CFAP20DC: variants seen among roughly 807,000 people sequenced by gnomAD.
CFAP20DC encodes CFAP20 domain containing.
Under a neutral mutation model 101.7 loss-of-function variants are expected in CFAP20DC, and 84 were observed. That is an observed-to-expected ratio of 0.83 (90% CI 0.69 to 0.99). The LOEUF (loss-of-function observed/expected upper bound fraction) is 0.99. Among genes scored for constraint, CFAP20DC ranks in the 50% least tolerant of loss-of-function variants. CFAP20DC has a pLI of 0.00. For synonymous variants in CFAP20DC, 359 were observed against 351.2 expected (o/e 1.02, Z -0.25); for missense variants, 1,007 against 970.3 (o/e 1.04, Z -0.50).
chr3:58,891,654 ATTTG>A (rs2082273898), intron 6 of CFAP20DC, among the ~76,000 whole-genome samples: 1 of 151,050 alleles, frequency 6.6e-6, no homozygotes, highest in African/African-American at 2.4e-5. Context: ...TAATGGGGTT[ATTTG>A]TTTTTTTTTC....
intron 16 of CFAP20DC, among the ~76,000 whole-genome samples, chr3:58,748,248 A>G (rs2068336629): frequency 6.6e-6 from 1 of 152,206 alleles, no homozygotes; most frequent in Admixed American, 6.6e-5. Flanking sequence ...AAGCCAACAG[A>G]GCCCATAATC....
intron 14 of CFAP20DC, among the ~76,000 whole-genome samples, chr3:58,829,884 A>G (rs2076282221): frequency 6.6e-6 from 1 of 152,190 alleles, no homozygotes; most frequent in Admixed American, 6.5e-5. Flanking sequence ...TGACAGAATC[A>G]GCTCGATCAG....
chr3:58,768,577 G>A (rs1382349014), intron 15 of CFAP20DC, among the ~76,000 whole-genome samples: 3 of 152,090 alleles, frequency 2.0e-5, no homozygotes, highest in East Asian at 3.9e-4. Flanking sequence ...TTCTAGCACC[G>A]CTCCCATGCT....
chr3:58,969,464 C>A (rs1382944539), intron 4 of CFAP20DC, among the ~76,000 whole-genome samples: 2 of 152,136 alleles, frequency 1.3e-5, no homozygotes, highest in African/African-American at 4.8e-5. Flanking sequence ...CAATTTCACT[C>A]GTAGGTGAGC....
intron 4 of CFAP20DC, among the ~76,000 whole-genome samples, chr3:59,029,156 T>C (rs767825263): frequency 1.3e-5 from 2 of 152,186 alleles, no homozygotes; most frequent in African/African-American, 4.8e-5. Flanking sequence ...CATTCATTAG[T>C]CCACCCATCC....
intron 6 of CFAP20DC, among the ~76,000 whole-genome samples, chr3:58,885,955 T>C (rs2081592110): frequency 6.6e-6 from 1 of 152,216 alleles, no homozygotes; most frequent in Non-Finnish European, 1.5e-5. Flanking sequence ...TTCTTTTTAG[T>C]AAATTTTCTG....
Position 58,717,537 on chromosome 3 carries a change from C to T in CFAP20DC, c.*51G>A. On this transcript the variant is annotated 3_prime_UTR_variant, in exon 4 of 4. Coordinates refer to the CFAP20DC transcript ENST00000486145. This position sits in a 1 kb window ranked among gnomAD's most constrained non-coding sequence, Gnocchi z 4.1. ...TAGATGCTCAAGGAAGAAGTGAGGA[C>T]CCACACTTCCAGGTTCTTGTCCTGA... 2.3e-6 allele frequency: 1 copy of T among 430,000 alleles called. No homozygotes were observed. The highest frequency in any genetic ancestry group is 7.1e-5 in the East Asian group (1 of 14,056). 26.6% of individuals were successfully genotyped at this position (430,000 alleles called of 1,614,324 possible). A position where few individuals can be genotyped will look rare whatever the true frequency, so the allele number is the denominator to read the frequency against.
intron 13 of CFAP20DC, among the ~76,000 whole-genome samples, chr3:58,842,869 A>C (rs1006935027): frequency 6.6e-6 from 1 of 152,220 alleles, no homozygotes; most frequent in Non-Finnish European, 1.5e-5. Flanking sequence ...ACCCCCGAGC[A>C]GCCTAACTGG....
At position 58,913,828 on chromosome 3, in the gene CFAP20DC, T is replaced by G. The variant is rs1430690764; in HGVS notation, c.430A>C (p.Ser144Arg). ...NLCIDLVAFT[S>R]EIFKGAVFQS... Reference sequence around the variant, plus strand: ...AAAACTGCCCCCTTGAATATTTCACTGGTGAATGCTACTAAGTCAATGCAT... The same window carrying G: ...AAAACTGCCCCCTTGAATATTTCACGGGTGAATGCTACTAAGTCAATGCAT... The change falls in exon 6 of 17, where the codon AGT becomes CGT. Residue 144 changes from serine to arginine, a missense_variant. Physicochemically the swap from Ser to Arg is moderately radical, Grantham distance 110. Transcript: ENST00000482387. The surrounding 1 kb of genome is among the most constrained non-coding windows in gnomAD (Gnocchi z 4.4). 1.9e-6 allele frequency: 3 copies of G among 1,613,514 alleles called. No homozygotes were observed. The highest frequency in any genetic ancestry group is 1.7e-6 in the Non-Finnish European group (2 of 1,179,748).
intron 4 of CFAP20DC, among the ~76,000 whole-genome samples, chr3:59,005,269 A>G (rs1033182987): frequency 2.6e-5 from 4 of 152,198 alleles, no homozygotes; most frequent in Non-Finnish European, 5.9e-5. Flanking sequence ...ACCTTACTCC[A>G]AACCTCATTG....
intron 4 of CFAP20DC, among the ~76,000 whole-genome samples, chr3:58,947,653 C>T (rs929518372): frequency 6.6e-6 from 1 of 152,132 alleles, no homozygotes; most frequent in African/African-American, 2.4e-5. Flanking sequence ...TTGGCCAATG[C>T]AATCCTTAGA....
intron 15 of CFAP20DC, among the ~76,000 whole-genome samples, chr3:58,778,849 C>A (rs1206150928): frequency 6.6e-6 from 1 of 152,210 alleles, no homozygotes; most frequent in Non-Finnish European, 1.5e-5. Flanking sequence ...ATAACAGACA[C>A]CACTGACACT....
At chr3:58,953,531 T>C (rs961613612) in intron 4 of CFAP20DC, 3 of 152,162 alleles carry the variant, frequency 2.0e-5, no homozygotes, top group African/African-American at 7.2e-5. Context: ...AAAATAAATA[T>C]GCAAACCTTC....
chr3:58,957,186 G>A (rs1183628783), intron 4 of CFAP20DC, among the ~76,000 whole-genome samples: 6 of 152,102 alleles, frequency 3.9e-5, no homozygotes, highest in Non-Finnish European at 8.8e-5. Context: ...ATTTAAAAAT[G>A]GGTAAAAGAT....
At chr3:58,837,143 G>A (rs2076793293) in intron 13 of CFAP20DC, among the ~76,000 whole-genome samples, 1 of 152,116 alleles carries the variant, frequency 6.6e-6, no homozygotes, top group African/African-American at 2.4e-5. Flanking sequence ...AAAGCATCAA[G>A]GATAAGAATG....
intron 4 of CFAP20DC, among the ~76,000 whole-genome samples, chr3:58,995,127 G>A (rs2093071947): frequency 6.6e-6 from 1 of 152,074 alleles, no homozygotes; most frequent in South Asian, 2.1e-4. Flanking sequence ...AATGACAGAG[G>A]GTTACCACCT....
intron 7 of CFAP20DC, among the ~76,000 whole-genome samples, chr3:58,876,989 G>A (rs540561525): frequency 8.5e-5 from 13 of 152,236 alleles, no homozygotes; most frequent in Non-Finnish European, 1.5e-4. Flanking sequence ...CTCTTCATCC[G>A]TAAGACTGGG....
chr3:59,045,719 T>A (rs1048391843), intron 3 of CFAP20DC, among the ~76,000 whole-genome samples: 9 of 152,128 alleles, frequency 5.9e-5, no homozygotes, highest in African/African-American at 2.2e-4. Context: ...TAAAAGGTAA[T>A]AAGTATATGA....
At chr3:58,891,448 G>C (rs1187181572) in intron 6 of CFAP20DC, among the ~76,000 whole-genome samples, 1 of 151,126 alleles carries the variant, frequency 6.6e-6, no homozygotes, top group Admixed American at 6.6e-5. Flanking sequence ...AGAGGGAGAG[G>C]GAGAGGGAGA....
Sources: allele counts gnomAD v4.1 joint callset (sites outside exome capture counted in the v4.1 genomes callset), GRCh38; gene constraint gnomAD v4.1.1; non-coding constraint Gnocchi (gnomAD v3.1); transcripts MANE v1.5; gene names NCBI Gene and HGNC (gene_info 2026-07-23, HGNC 2026-07-21).